CPA6: variants seen among roughly 807,000 people sequenced by gnomAD.
CPA6 encodes carboxypeptidase B.
Under a neutral mutation model 63.3 loss-of-function variants are expected in CPA6, and 58 were observed. That is an observed-to-expected ratio of 0.92 (90% CI 0.74 to 1.14). The LOEUF (loss-of-function observed/expected upper bound fraction) is 1.14, where lower values mean the gene tolerates loss of function less well. CPA6 is among the 50% of genes most tolerant of loss of function. CPA6 has a pLI of 0.00. For synonymous variants in CPA6, 185 were observed against 179.0 expected (o/e 1.03, Z -0.27); for missense variants, 565 against 526.6 (o/e 1.07, Z -0.71).
At chr8:67,668,533 A>G (rs949083672) in intron 1 of CPA6, among the ~76,000 whole-genome samples, 2 of 152,230 alleles carry the variant, frequency 1.3e-5, no homozygotes, top group Non-Finnish European at 2.9e-5. Flanking sequence ...GCTGCTCTCC[A>G]GTTACTTATT....
At chr8:67,475,840 TTTC>T (rs1811189421) in intron 8 of CPA6, among the ~76,000 whole-genome samples, 49 of 84,258 alleles carry the variant, frequency 5.8e-4, no homozygotes, top group South Asian at 2.1e-3. Context: ...TCTTTCTTTC[TTTC>T]TTTCTTTCTT....
chr8:67,610,197 A>G (rs964597524), intron 2 of CPA6, among the ~76,000 whole-genome samples: 1 of 152,190 alleles, frequency 6.6e-6, no homozygotes, highest in African/African-American at 2.4e-5. Flanking sequence ...CAACATGGAA[A>G]GACTCTGACT....
intron 2 of CPA6, among the ~76,000 whole-genome samples, chr8:67,558,790 A>G (rs1813129257): frequency 6.6e-6 from 1 of 152,236 alleles, no homozygotes; most frequent in Admixed American, 6.5e-5. Context: ...CAAATCTTGC[A>G]GGATTATGGC....
chr8:67,526,128 T>C lies in CPA6; in HGVS notation c.193-8081A>G, dbSNP rs572319766. ...GTGAGAGAGACTTAGAAACGACTTA[T>C]TATGGAATTTGGATTTGCTTTAGGA... is the stretch of plus-strand genomic sequence containing the variant. On this transcript the variant is annotated intron_variant, in intron 2 of 10. Coordinates refer to ENST00000297770, the MANE Select transcript of CPA6 (RefSeq NM_020361.5). Among the ~76,000 whole-genome samples, 22 of 152,286 alleles carry C rather than the reference T, an allele frequency of 1.4e-4. 1 individual carries two copies. In the South Asian group the frequency reaches 4.1e-3, roughly 29 times the overall value.
chr8:67,708,080 T>G (rs1817174910), intron 1 of CPA6, among the ~76,000 whole-genome samples: 1 of 152,158 alleles, frequency 6.6e-6, no homozygotes, highest in African/African-American at 2.4e-5. Context: ...TCTTGGGACC[T>G]CATGAGGAGA....
intron 2 of CPA6, among the ~76,000 whole-genome samples, chr8:67,533,114 G>A (rs556318770): frequency 6.6e-6 from 1 of 152,196 alleles, no homozygotes; most frequent in South Asian, 2.1e-4. Flanking sequence ...AGTTTAACTG[G>A]AAGAAAAACC....
intron 1 of CPA6, among the ~76,000 whole-genome samples, chr8:67,629,211 C>T (rs937840164): frequency 1.3e-5 from 2 of 151,996 alleles, no homozygotes; most frequent in African/African-American, 2.4e-5. Flanking sequence ...CTCATACCTG[C>T]AATTCCAGAA....
intron 2 of CPA6, among the ~76,000 whole-genome samples, chr8:67,572,961 G>C (rs1229009966): frequency 6.6e-6 from 1 of 152,190 alleles, no homozygotes; most frequent in African/African-American, 2.4e-5. Context: ...GGGATGCAAG[G>C]ATGGTTCAAC....
chr8:67,634,179 A>T (rs996565702), intron 1 of CPA6, among the ~76,000 whole-genome samples: 1 of 139,914 alleles, frequency 7.1e-6, no homozygotes, highest in African/African-American at 2.8e-5. Context: ...CACTGGATTT[A>T]ATTATTATTA....
At chr8:67,484,349 G>A (rs970672700) in intron 7 of CPA6, among the ~76,000 whole-genome samples, 3 of 152,102 alleles carry the variant, frequency 2.0e-5, no homozygotes, top group Non-Finnish European at 2.9e-5. Context: ...TGGGATTACA[G>A]GCTTGAGCCA....
intron 2 of CPA6, among the ~76,000 whole-genome samples, chr8:67,518,509 C>CTT (rs71554610): frequency 0.013 from 1,660 of 129,824 alleles, 29 homozygotes; most frequent in Non-Finnish European, 0.018. Flanking sequence ...CTTTTCTTTT[C>CTT]TTTTTTTTTT....
rs192980405 is a variant in CPA6 at position 67,745,786 on chromosome 8, T to C, written c.116+228A>G. Reference sequence around the variant, plus strand: ...TTCAACCCTGGGTCCACAGCTAAGGTTGGCACATGATAAAAAGTATAAAAA... The same window carrying C: ...TTCAACCCTGGGTCCACAGCTAAGGCTGGCACATGATAAAAAGTATAAAAA... On this transcript the variant is annotated intron_variant, in intron 1 of 10. Coordinates refer to ENST00000297770, the MANE Select transcript of CPA6 (RefSeq NM_020361.5). Among the ~76,000 whole-genome samples, 818 of 152,240 alleles carry C rather than the reference T, an allele frequency of 5.4e-3. 5 individuals carry two copies. Among genetic ancestry groups the C allele is most frequent in the Non-Finnish European group, 9.8e-3 (666 of 68,000 alleles).
intron 2 of CPA6, among the ~76,000 whole-genome samples, chr8:67,590,385 A>C (rs1814084771): frequency 1.3e-5 from 2 of 151,582 alleles, no homozygotes; most frequent in South Asian, 4.2e-4. Context: ...CATGATTTAT[A>C]GTCCTTTGGG....
intron 1 of CPA6, among the ~76,000 whole-genome samples, chr8:67,676,187 T>A (rs538708939): frequency 6.6e-6 from 1 of 152,172 alleles, no homozygotes; most frequent in Admixed American, 6.5e-5. Context: ...GGCAGGGAGA[T>A]GGAAGAAGAT....
At chr8:67,603,975 T>C (rs145623964) in intron 2 of CPA6, among the ~76,000 whole-genome samples, 66 of 152,294 alleles carry the variant, frequency 4.3e-4, no homozygotes, top group African/African-American at 1.4e-3. Flanking sequence ...AATTTGTATG[T>C]GGAAAGGGTG....
intron 1 of CPA6, among the ~76,000 whole-genome samples, chr8:67,684,918 C>T (rs1816680233): frequency 6.6e-6 from 1 of 152,244 alleles, no homozygotes; most frequent in South Asian, 2.1e-4. Flanking sequence ...CCTCCCTTCC[C>T]TCTGATGTTT....
chr8:67,724,947 G>T (rs190395360), intron 1 of CPA6, among the ~76,000 whole-genome samples: 1 of 152,160 alleles, frequency 6.6e-6, no homozygotes, highest in Non-Finnish European at 1.5e-5. Flanking sequence ...TGAGTTGTTA[G>T]CATTCTGTGT....
At chr8:67,699,585 T>C (rs1365928030) in intron 1 of CPA6, among the ~76,000 whole-genome samples, 2 of 151,258 alleles carry the variant, frequency 1.3e-5, no homozygotes, top group Non-Finnish European at 2.9e-5. Flanking sequence ...TTATGTTTTT[T>C]CTTCTTTTTT....
chr8:67,698,128 A>G (rs1816945550), intron 1 of CPA6, among the ~76,000 whole-genome samples: 1 of 152,224 alleles, frequency 6.6e-6, no homozygotes, highest in Admixed American at 6.5e-5. Context: ...CCAAAGCATT[A>G]TATTATATAA....
Sources: gnomAD v4.1 joint callset for allele counts (sites outside exome capture counted in the v4.1 genomes callset) on GRCh38, gnomAD v4.1.1 for gene constraint, MANE v1.5 for transcripts, NCBI Gene and HGNC (gene_info 2026-07-23, HGNC 2026-07-21) for gene names.